The following QRFPR variants were observed in gnomAD, a reference collection of about 807,000 sequenced individuals.
QRFPR encodes pyroglutamylated RF-amide peptide receptor.
A neutral mutation model predicts 31.3 loss-of-function variants in QRFPR; 37 were observed. The observed-to-expected ratio is 1.18, with a 90% confidence interval of 0.91 to 1.56. The LOEUF (loss-of-function observed/expected upper bound fraction) is 1.56. Ranked by LOEUF, QRFPR falls within the 40% of genes most tolerant of loss-of-function variation. QRFPR has a pLI of 0.00. For missense variants in QRFPR, 542 were observed against 532.5 expected, an observed-to-expected ratio of 1.02 and a Z score of -0.18; for synonymous variants, 197 against 192.0, an observed-to-expected ratio of 1.03 and a Z score of -0.22.
intron 1 of QRFPR, among the ~76,000 whole-genome samples, chr4:121,379,997 T>C (rs1726440353): frequency 6.6e-6 from 1 of 151,914 alleles, no homozygotes; most frequent in Admixed American, 6.6e-5. Context: ...CTCGGGACCT[T>C]TCCGAAGCTT....
chr4:121,360,818 C>T (rs41422451), intron 1 of QRFPR, among the ~76,000 whole-genome samples: 39,172 of 152,074 alleles, frequency 0.26, 5,728 homozygotes, highest in Non-Finnish European at 0.34. Flanking sequence ...TTTCCAACTT[C>T]ATTTCTCACC....
At chr4:121,330,103 G>A (rs1188105143) in intron 5 of QRFPR, among the ~76,000 whole-genome samples, 2 of 152,186 alleles carry the variant, frequency 1.3e-5, no homozygotes, top group Non-Finnish European at 2.9e-5. Flanking sequence ...AGGTCTGACT[G>A]TTCAAGTCAG....
chr4:121,333,190 A>G lies in QRFPR; in HGVS notation c.562-134T>C. 5 of 610,716 alleles carry G rather than the reference A, an allele frequency of 8.2e-6. 1 individual carries two copies. In the East Asian group the frequency reaches 8.2e-5, roughly 10 times the overall value. The allele number at this position is 610,716 out of a possible 1,614,324, so 37.8% of individuals were successfully genotyped here. On this transcript the variant is annotated intron_variant, in intron 3 of 5. Coordinates refer to ENST00000394427, the MANE Select transcript of QRFPR (RefSeq NM_198179.3). ...CCCCAGCACGTATTTCAAATGAGAT[A>G]CATTTTTAATTGTTCTTTTGTTGTG...
intron 1 of QRFPR, among the ~76,000 whole-genome samples, chr4:121,349,726 C>T (rs1725727701): frequency 1.3e-5 from 2 of 152,126 alleles, no homozygotes. Context: ...ATAACTAAAA[C>T]ATAGGAAAGC....
intron 1 of QRFPR, among the ~76,000 whole-genome samples, chr4:121,376,958 GTCCCCAGC>G: frequency 6.6e-6 from 1 of 152,226 alleles, no homozygotes; most frequent in Middle Eastern, 3.4e-3. Context: ...GGTGCTGCTG[GTCCCCAGC>G]AAGAAAGAGG....
chr4:121,359,530 G>C (rs1038282428), intron 1 of QRFPR, among the ~76,000 whole-genome samples: 4 of 152,062 alleles, frequency 2.6e-5, no homozygotes, highest in Non-Finnish European at 5.9e-5. Context: ...AAGTCCTTCA[G>C]TTTTGAGACT....
At position 121,365,522 on chromosome 4, in the gene QRFPR, T is replaced by A. The variant is rs1579586769; in HGVS notation, c.340+14786A>T. Among the ~76,000 whole-genome samples the A allele has an allele frequency of 4.4e-4, 3 of 6,868 alleles. 1 individual carries two copies. The highest frequency in any genetic ancestry group is 3.9e-3 in the African/African-American group (3 of 774). The allele number at this position is 6,868 out of a possible 152,430, so 4.5% of individuals were successfully genotyped here. ...TATAATATATATAATATATATTATATATATTATATATAATATATATTATAT... is the reference window on the plus strand; with the variant it reads ...TATAATATATATAATATATATTATAAATATTATATATAATATATATTATAT... On this transcript the variant is annotated intron_variant, in intron 1 of 5. Transcript: ENST00000394427.
intron 3 of QRFPR, 53 bp downstream of exon 3, chr4:121,336,754 A>G: frequency 7.4e-7 from 1 of 1,358,266 alleles, no homozygotes; most frequent in Non-Finnish European, 1.1e-6. Flanking sequence ...TACAATTAAG[A>G]GGGGTGAGAA....
intron 1 of QRFPR, chr4:121,369,919 G>A (rs748495768): frequency 6.5e-6 from 5 of 774,442 alleles, no homozygotes; most frequent in African/African-American, 3.4e-5. Context: ...TAAGGTACTT[G>A]GTCTTCTGAG....
chr4:121,354,409 A>G (rs1725825566), intron 1 of QRFPR, among the ~76,000 whole-genome samples: 2 of 151,668 alleles, frequency 1.3e-5, no homozygotes, highest in Admixed American at 6.6e-5. Context: ...TATAGTTTTC[A>G]TTGTAGAAAT....
rs1214155916 is a variant in QRFPR at position 121,364,351 on chromosome 4, T to A, written c.340+15957A>T. 6.0e-5 allele frequency among the ~76,000 whole-genome samples: 9 copies of A among 150,258 alleles called. 1 individual carries two copies. Among genetic ancestry groups the A allele is most frequent in the Non-Finnish European group, 1.3e-4 (9 of 67,600 alleles). ...CATGTTAATTGAAATGTCTAAAAAC[T>A]TTTGGCTGGGCATGGTGGCTCACGC... On this transcript the variant is annotated intron_variant, in intron 1 of 5. Transcript: ENST00000394427.
intron 1 of QRFPR, among the ~76,000 whole-genome samples, chr4:121,354,567 T>C (rs1332387206): frequency 6.6e-6 from 1 of 152,098 alleles, no homozygotes; most frequent in Non-Finnish European, 1.5e-5. Flanking sequence ...CTAATTGCTC[T>C]GTCTAGGACT....
intron 1 of QRFPR, among the ~76,000 whole-genome samples, chr4:121,343,871 G>T (rs2110471633): frequency 6.6e-6 from 1 of 152,114 alleles, no homozygotes; most frequent in South Asian, 2.1e-4. Flanking sequence ...ACAGCACAGG[G>T]TATCTGTCAA....
In QRFPR at chr4:121,329,560, G is replaced by T; in HGVS notation, c.1050C>A (p.Cys350Ter). The T allele has an allele frequency of 6.2e-7, 1 of 1,613,660 alleles. No individual in the cohort carries two copies. Among genetic ancestry groups the T allele is most frequent in the African/African-American group, 1.3e-5 (1 of 75,016 alleles). ...KKNVLSAVCY[C>*]IVNKTFSPAQ... ...CTGGAGAGAAGGTTTTATTTACTATGCAATAACAAACTGCAGACAAAACAT... is the reference window on the plus strand; with the variant it reads ...CTGGAGAGAAGGTTTTATTTACTATTCAATAACAAACTGCAGACAAAACAT... The change falls in exon 6 of 6, where the codon TGC (cysteine) becomes TGA (stop). Residue 350 changes from cysteine (C) to a stop codon, truncating the protein, a stop_gained. Coordinates refer to ENST00000394427, the MANE Select transcript of QRFPR (RefSeq NM_198179.3). LOFTEE classifies it low-confidence loss of function (END_TRUNC).
chr4:121,329,819 G>C, intron 5 of QRFPR, 105 bp from the exon 6 acceptor site: 1 of 853,984 alleles, frequency 1.2e-6, no homozygotes, highest in Non-Finnish European at 1.7e-6. Flanking sequence ...AGTATCTGAA[G>C]GTGTGAAAAG....
chr4:121,375,751 G>A (rs923659491), intron 1 of QRFPR, among the ~76,000 whole-genome samples: 12 of 152,122 alleles, frequency 7.9e-5, no homozygotes, highest in African/African-American at 1.7e-4. Flanking sequence ...ACACTTACTC[G>A]CAAAATAAGA....
At chr4:121,356,811 C>T (rs1725879470) in intron 1 of QRFPR, among the ~76,000 whole-genome samples, 1 of 152,084 alleles carries the variant, frequency 6.6e-6, no homozygotes, top group South Asian at 2.1e-4. Context: ...GATGCAAGCA[C>T]TCTCATGGCC....
intron 1 of QRFPR, among the ~76,000 whole-genome samples, chr4:121,354,691 C>A (rs745742867): frequency 5.3e-5 from 8 of 151,954 alleles, no homozygotes; most frequent in Non-Finnish European, 8.8e-5. Flanking sequence ...GTGAGTTTGT[C>A]ATACATGGTT....
intron 3 of QRFPR, among the ~76,000 whole-genome samples, chr4:121,334,173 G>A (rs934921865): frequency 2.0e-5 from 3 of 152,176 alleles, no homozygotes; most frequent in African/African-American, 7.2e-5. Flanking sequence ...CTAAGAGCAT[G>A]CTGAACTGGA....
Sources: gnomAD v4.1 joint callset for allele counts (sites outside exome capture counted in the v4.1 genomes callset) on GRCh38, gnomAD v4.1.1 for gene constraint, MANE v1.5 for transcripts, NCBI Gene and HGNC (gene_info 2026-07-23, HGNC 2026-07-21) for gene names.